Variants in VWC2L observed in about 807,000 individuals in gnomAD.
VWC2L encodes the protein von Willebrand factor C domain containing 2 like.
Under a neutral mutation model 21.6 loss-of-function variants are expected in VWC2L, and 10 were observed. That is an observed-to-expected ratio of 0.46 (90% confidence interval 0.29 to 0.78). VWC2L has a LOEUF of 0.78. VWC2L is among the 30% of genes least tolerant of loss of function. The pLI is 0.10. For missense variants in VWC2L, 209 were observed against 277.1 expected (o/e 0.75, Z 1.74); for synonymous variants, 96 against 94.3 (o/e 1.02, Z -0.10).
intron 2 of VWC2L, among the ~76,000 whole-genome samples, chr2:214,426,951 C>T (rs1336484007): frequency 2.0e-5 from 3 of 152,182 alleles, no homozygotes; most frequent in Non-Finnish European, 4.4e-5. Flanking sequence ...AAAGCTCCCA[C>T]TGTCAAAAGA....
chr2:214,539,080 T>C (rs1156466828), intron 3 of VWC2L, among the ~76,000 whole-genome samples: 2 of 152,176 alleles, frequency 1.3e-5, no homozygotes, highest in African/African-American at 2.4e-5. Flanking sequence ...AGCAACTATA[T>C]AATCAATTAC....
chr2:214,550,409 T>C (rs990126247), intron 3 of VWC2L, among the ~76,000 whole-genome samples: 13 of 152,228 alleles, frequency 8.5e-5, no homozygotes, highest in African/African-American at 3.1e-4. Flanking sequence ...TATTTATTCA[T>C]TCTTTTATTT....
intron 3 of VWC2L, among the ~76,000 whole-genome samples, chr2:214,558,819 T>C (rs1433875077): frequency 6.6e-6 from 1 of 152,092 alleles, no homozygotes; most frequent in African/African-American, 2.4e-5. Flanking sequence ...TTTTGTTTTT[T>C]TTTTTTAAAT....
chr2:214,572,380 T>C (rs1467286863), intron 3 of VWC2L, among the ~76,000 whole-genome samples: 2 of 152,230 alleles, frequency 1.3e-5, no homozygotes, highest in Non-Finnish European at 2.9e-5. Flanking sequence ...AGAGGTCCTA[T>C]TTGCCAGCCT....
intron 2 of VWC2L, among the ~76,000 whole-genome samples, chr2:214,417,433 A>T (rs1430769022): frequency 6.6e-6 from 1 of 152,206 alleles, no homozygotes; most frequent in African/African-American, 2.4e-5. Flanking sequence ...GCTTATCAAA[A>T]TAGTATGAGG....
intron 3 of VWC2L, among the ~76,000 whole-genome samples, chr2:214,518,591 AT>A (rs1371909455): frequency 6.6e-6 from 1 of 152,134 alleles, no homozygotes; most frequent in Non-Finnish European, 1.5e-5. Context: ...TAGTCTGCAT[AT>A]TTGTTTTATG....
At chr2:214,478,017 T>C (rs900239799) in intron 3 of VWC2L, among the ~76,000 whole-genome samples, 4 of 152,218 alleles carry the variant, frequency 2.6e-5, no homozygotes, top group African/African-American at 9.6e-5. Context: ...GACAGGCCTT[T>C]GGGCACTTTA....
chr2:214,474,607 T>C (rs954491251), intron 3 of VWC2L, among the ~76,000 whole-genome samples: 1 of 152,116 alleles, frequency 6.6e-6, no homozygotes, highest in Non-Finnish European at 1.5e-5. Context: ...ACGAAGGCCA[T>C]TGTATAATAT....
At chr2:214,526,294 A>C (rs1689335068) in intron 3 of VWC2L, among the ~76,000 whole-genome samples, 1 of 152,134 alleles carries the variant, frequency 6.6e-6, no homozygotes. Flanking sequence ...AGTTACTTAC[A>C]TTTCCATGTA....
At chr2:214,561,274 A>C (rs1689966148) in intron 3 of VWC2L, among the ~76,000 whole-genome samples, 1 of 152,122 alleles carries the variant, frequency 6.6e-6, no homozygotes, top group African/African-American at 2.4e-5. Flanking sequence ...TATCGTAAAG[A>C]GATGCCCTTG....
intron 3 of VWC2L, among the ~76,000 whole-genome samples, chr2:214,449,509 A>C (rs979438725): frequency 3.9e-5 from 6 of 152,234 alleles, no homozygotes; most frequent in Non-Finnish European, 8.8e-5. Flanking sequence ...ACTTAAAAAT[A>C]AGTCAGAAAT....
chr2:214,445,106 T>A (rs545515161), intron 3 of VWC2L, among the ~76,000 whole-genome samples: 19 of 152,012 alleles, frequency 1.2e-4, no homozygotes, highest in African/African-American at 4.3e-4. Context: ...ATAAATAAGA[T>A]AGCATCTAAT....
intron 3 of VWC2L, among the ~76,000 whole-genome samples, chr2:214,437,149 G>A (rs1278791734): frequency 6.6e-6 from 1 of 152,054 alleles, no homozygotes; most frequent in Non-Finnish European, 1.5e-5. Context: ...TAAATGCCAG[G>A]TATTTTGTTT....
chr2:214,550,989 A>G (rs984476294), intron 3 of VWC2L, among the ~76,000 whole-genome samples: 2 of 152,176 alleles, frequency 1.3e-5, no homozygotes, highest in African/African-American at 2.4e-5. Context: ...TATGAACCCT[A>G]TGACTCAGCT....
chr2:214,457,388 T>C (rs1363615759), intron 3 of VWC2L, among the ~76,000 whole-genome samples: 1 of 152,104 alleles, frequency 6.6e-6, no homozygotes, highest in African/African-American at 2.4e-5. Context: ...ATTTATCAGA[T>C]CCAAAAGTTT....
intron 3 of VWC2L, among the ~76,000 whole-genome samples, chr2:214,442,726 G>T (rs929278700): frequency 6.6e-6 from 1 of 151,702 alleles, no homozygotes; most frequent in Non-Finnish European, 1.5e-5. Context: ...CTAGAGAAAA[G>T]GCAAGAAAAA....
At chr2:214,469,338 G>T (rs1054579020) in intron 3 of VWC2L, among the ~76,000 whole-genome samples, 1 of 152,158 alleles carries the variant, frequency 6.6e-6, no homozygotes, top group Non-Finnish European at 1.5e-5. Context: ...AGTGGCTCAC[G>T]CCTGTAATCC....
intron 3 of VWC2L, among the ~76,000 whole-genome samples, chr2:214,512,172 G>T (rs563316192): frequency 3.3e-5 from 5 of 152,206 alleles, no homozygotes; most frequent in Non-Finnish European, 7.4e-5. Flanking sequence ...CAACAGATTT[G>T]CTAGCAAGCA....
At chr2:214,567,370 A>G (rs192685702) in intron 3 of VWC2L, among the ~76,000 whole-genome samples, 150 of 152,218 alleles carry the variant, frequency 9.9e-4, no homozygotes, top group Non-Finnish European at 1.8e-3. Context: ...GCTGCCTTCC[A>G]AGATAATTGC....
Sources: allele counts gnomAD v4.1 joint callset (sites outside exome capture counted in the v4.1 genomes callset), GRCh38; gene constraint gnomAD v4.1.1; transcripts MANE v1.5; gene names NCBI Gene and HGNC (gene_info 2026-07-23, HGNC 2026-07-21).